The following P2RX6 variants were observed in gnomAD, a reference collection of about 807,000 sequenced individuals.
P2RX6 encodes P2X purinoceptor 6.
P2RX6 carries 62 observed loss-of-function variants against 54.2 expected under a neutral mutation model. The observed-to-expected ratio is 1.14, with a 90% confidence interval of 0.93 to 1.41. P2RX6 has a LOEUF of 1.41. P2RX6 is among the 40% of genes most tolerant of loss of function. The probability of loss-of-function intolerance (pLI) is 0.00; values close to 1 mark genes in which losing one functional copy is unlikely to be tolerated. For missense variants in P2RX6, 541 were observed against 566.3 expected (o/e 0.96, Z 0.45); for synonymous variants, 211 against 231.9 (o/e 0.91, Z 0.82).
Position 21,015,940 on chromosome 22 carries a change from A to T in P2RX6, c.165-2A>T. On this transcript the variant is annotated splice_acceptor_variant, in intron 1 of 11. Transcript: ENST00000413302. LOFTEE classifies it high-confidence loss of function. ...CCACACTGCCCGACTTCTCCTCCCC[A>T]GGTGGGCTCTCCTCGCCAAAAAAGG... 6.5e-7 allele frequency: 1 copy of T among 1,549,572 alleles called. No homozygotes were observed. Among genetic ancestry groups the T allele is most frequent in the Non-Finnish European group, 8.7e-7 (1 of 1,146,850 alleles).
chr22:21,017,201 GCTTCTACCCT>G (rs1484506323), intron 2 of P2RX6, among the ~76,000 whole-genome samples: 4 of 152,172 alleles, frequency 2.6e-5, no homozygotes, highest in African/African-American at 9.7e-5. Flanking sequence ...TGCAGCGCCT[GCTTCTACCCT>G]CAGGAATTCC....
upstream of P2RX6, chr22:21,012,400 CCCT>C (rs1925787786): frequency 5.6e-6 from 2 of 356,820 alleles, no homozygotes; most frequent in East Asian, 1.5e-4. Flanking sequence ...GTGATGAGGC[CCCT>C]CCTCTATCCA....
At chr22:21,022,796 C>A in intron 4 of P2RX6, 45 bp downstream of exon 4, 1 of 1,515,242 alleles carries the variant, frequency 6.6e-7, no homozygotes. Flanking sequence ...AGGGTGGGGG[C>A]CGGGCTGGGA....
At chr22:21,019,575 A>C (rs1039780780) in intron 3 of P2RX6, among the ~76,000 whole-genome samples, 1 of 152,200 alleles carries the variant, frequency 6.6e-6, no homozygotes, top group East Asian at 1.9e-4. Flanking sequence ...CGGCCTCTCA[A>C]AGTGCTGGGA....
Position 21,025,804 on chromosome 22 carries a change from G to A in P2RX6, c.891-1G>A, listed in dbSNP as rs758258296. On this transcript the variant is annotated splice_acceptor_variant, in intron 8 of 11. Coordinates refer to ENST00000413302, the MANE Select transcript of P2RX6 (RefSeq NM_005446.5). LOFTEE classifies it high-confidence loss of function. Reference sequence around the variant, plus strand: ...ACCAGAGCCTTCTTTCCTGCCCACAGGACAGCCACTCACTGGTGGGAGCAA... The same window carrying A: ...ACCAGAGCCTTCTTTCCTGCCCACAAGACAGCCACTCACTGGTGGGAGCAA... 5.1e-6 allele frequency: 8 copies of A among 1,555,430 alleles called. No individual in the cohort carries two copies. The highest frequency in any genetic ancestry group is 7.0e-6 in the Non-Finnish European group (8 of 1,149,566).
At chr22:21,021,067 G>C (rs1224003509) in intron 3 of P2RX6, among the ~76,000 whole-genome samples, 1 of 152,168 alleles carries the variant, frequency 6.6e-6, no homozygotes, top group Non-Finnish European at 1.5e-5. Context: ...GAAGAAGGTA[G>C]TTCAGGATTT....
upstream of P2RX6, chr22:21,014,285 C>A (rs891675413): frequency 6.5e-6 from 1 of 152,734 alleles, no homozygotes; most frequent in Non-Finnish European, 1.5e-5. Flanking sequence ...TAGAGCGCGA[C>A]CCGGGGATGT....
intron 8 of P2RX6, among the ~76,000 whole-genome samples, chr22:21,025,351 C>T (rs1928236941): frequency 9.4e-6 from 1 of 106,742 alleles, no homozygotes; most frequent in South Asian, 2.5e-4. Context: ...GATCTGGCTT[C>T]CCCAACCTCC....
chr22:21,017,398 G>A (rs772464519), intron 2 of P2RX6, among the ~76,000 whole-genome samples: 4 of 152,198 alleles, frequency 2.6e-5, no homozygotes, highest in East Asian at 3.8e-4. Flanking sequence ...TCGGCCACCC[G>A]TTGACCACAG....
chr22:21,015,651 T>A (rs1156535843), intron 1 of P2RX6, among the ~76,000 whole-genome samples: 1 of 151,956 alleles, frequency 6.6e-6, no homozygotes, highest in East Asian at 1.9e-4. Context: ...ACCAGCTGTA[T>A]CTCGGGTCAG....
upstream of P2RX6, chr22:21,012,762 C>G (rs904040120): frequency 2.1e-5 from 6 of 289,176 alleles, no homozygotes; most frequent in African/African-American, 4.5e-5. Context: ...TTTCCACCTG[C>G]TTAAGGGACA....
chr22:21,023,088 C>T, intron 5 of P2RX6, 30 bp from the exon 6 acceptor site: 1 of 1,612,512 alleles, frequency 6.2e-7, no homozygotes, highest in Non-Finnish European at 8.5e-7. Flanking sequence ...CCAGGCCTGG[C>T]AGAGGCTGTC....
At chr22:21,009,943 T>G (rs1445343838) in intron 1 of P2RX6, 1 of 152,264 alleles carries the variant, frequency 6.6e-6, no homozygotes, top group Non-Finnish European at 1.5e-5. Context: ...CAGACAGTAA[T>G]CCCCCACTTT....
At chr22:21,011,258 G>A (rs1925722129), upstream of P2RX6, 2 of 534,548 alleles carry the variant, frequency 3.7e-6, no homozygotes, top group Non-Finnish European at 3.3e-6. Context: ...GGCAAGGTGG[G>A]GTGTGGGGAG....
Position 21,026,232 on chromosome 22 carries a change from G to T in P2RX6, c.1051-20G>T. On this transcript the variant is annotated intron_variant, in intron 10 of 11. Coordinates refer to ENST00000413302, the MANE Select transcript of P2RX6 (RefSeq NM_005446.5). The surrounding 1 kb of genome is among the most constrained non-coding windows in gnomAD (Gnocchi z 4.0). ...AGCAGGCTCGGGGGCTGGAACATGG[G>T]TTGGCCCTGCCTCTCCCAGGTCACC... The T allele has an allele frequency of 1.3e-6, 2 of 1,577,270 alleles. No individual in the cohort carries two copies. The highest frequency in any genetic ancestry group is 1.7e-6 in the Non-Finnish European group (2 of 1,162,306).
chr22:21,017,280 C>T (rs1926559968), intron 2 of P2RX6, among the ~76,000 whole-genome samples: 1 of 152,226 alleles, frequency 6.6e-6, no homozygotes, highest in African/African-American at 2.4e-5. Context: ...GCTGCCACTC[C>T]CAGCACCATC....
At position 21,015,998 on chromosome 22, in the gene P2RX6, C is replaced by T; in HGVS notation, c.221C>T (p.Ser74Phe). 1.3e-6 allele frequency: 2 copies of T among 1,550,896 alleles called. No homozygotes were observed. Among genetic ancestry groups the T allele is most frequent in the Non-Finnish European group, 1.7e-6 (2 of 1,147,552 alleles). ...GAGCGGGACCTGGAACCCCAGTTTT[C>T]CATCATCACCAAACTCAAAGGGGTT... ...YQERDLEPQF[S>F]IITKLKGVSV... Residue 74 changes from serine (S) to phenylalanine (F), a missense_variant, in exon 2 of 12, where the codon TCC becomes TTC. By Grantham distance (155) the Ser-to-Phe change is radical (BLOSUM62 -2). Coordinates refer to ENST00000413302, the MANE Select transcript of P2RX6 (RefSeq NM_005446.5).
chr22:21,012,668 A>G, upstream of P2RX6: 1 of 487,006 alleles, frequency 2.1e-6, no homozygotes. Flanking sequence ...CCTGGGACAG[A>G]CAGAGCAAAC....
At position 21,026,220 on chromosome 22, in the gene P2RX6, G is replaced by T. The variant is rs1199354425; in HGVS notation, c.1051-32G>T. 3 of 1,566,046 alleles carry T rather than the reference G, an allele frequency of 1.9e-6. No homozygotes were observed. The highest frequency in any genetic ancestry group is 1.2e-5 in the South Asian group (1 of 85,462). ...AGGTGGCAGGAGAGCAGGCTCGGGG[G>T]CTGGAACATGGGTTGGCCCTGCCTC... On this transcript the variant is annotated intron_variant, in intron 10 of 11. Transcript: ENST00000413302. The surrounding 1 kb of genome is among the most constrained non-coding windows in gnomAD (Gnocchi z 4.0).
Sources: allele counts gnomAD v4.1 joint callset (sites outside exome capture counted in the v4.1 genomes callset), GRCh38; gene constraint gnomAD v4.1.1; non-coding constraint Gnocchi (gnomAD v3.1); transcripts MANE v1.5; gene names NCBI Gene and HGNC (gene_info 2026-07-23, HGNC 2026-07-21).